PIK3CD: variants seen among roughly 807,000 people sequenced by gnomAD.
PIK3CD encodes phosphatidylinositol-4,5-bisphosphate 3-kinase catalytic subunit delta, also known as phosphatidylinositol 4,5-bisphosphate 3-kinase catalytic subunit delta isoform.
PIK3CD carries 20 observed loss-of-function variants against 122.9 expected under a neutral mutation model. That is an observed-to-expected ratio of 0.16 (90% CI 0.11 to 0.24). PIK3CD has a LOEUF of 0.24. Among genes scored for constraint, PIK3CD ranks in the 10% least tolerant of loss-of-function variants. The pLI is 1.00. For missense variants in PIK3CD, 787 were observed against 1,406.3 expected, an observed-to-expected ratio of 0.56 and a Z score of 7.04; for synonymous variants, 596 against 593.4, an observed-to-expected ratio of 1.00 and a Z score of -0.06.
chr1:9,708,862 T>C (rs996864392), intron 2 of PIK3CD, among the ~76,000 whole-genome samples: 26 of 151,758 alleles, frequency 1.7e-4, no homozygotes, highest in Admixed American at 1.7e-3. Context: ...AAAACATGTA[T>C]GGAAATGATA....
intron 1 of PIK3CD, among the ~76,000 whole-genome samples, chr1:9,663,259 A>G (rs2100857673): frequency 6.6e-6 from 1 of 152,282 alleles, no homozygotes; most frequent in South Asian, 2.1e-4. Context: ...CTTGCCAGCC[A>G]TGTTCAGGGC....
At chr1:9,628,255 T>C in the PIK3CD span, among the ~76,000 whole-genome samples, 2 of 152,002 alleles carry the variant, frequency 1.3e-5, no homozygotes, top group Admixed American at 6.6e-5. Flanking sequence ...TGAGCCAAGA[T>C]TGTGCCACTG....
At chr1:9,690,395 C>T (rs1041366015) in intron 1 of PIK3CD, among the ~76,000 whole-genome samples, 13 of 152,226 alleles carry the variant, frequency 8.5e-5, no homozygotes, top group African/African-American at 3.1e-4. Flanking sequence ...AAGGGCTTTC[C>T]TTATGATCCT....
the PIK3CD span, among the ~76,000 whole-genome samples, chr1:9,644,667 A>C: frequency 1.3e-5 from 2 of 152,088 alleles, no homozygotes; most frequent in African/African-American, 2.4e-5. Context: ...AACTGTTGTC[A>C]TGTGTGCCTT....
At position 9,719,965 on chromosome 1, in the gene PIK3CD, G is replaced by T; in HGVS notation, c.1287G>T (p.Lys429Asn). 1 of 1,613,842 alleles carries T rather than the reference G, an allele frequency of 6.2e-7. No individual in the cohort carries two copies. The highest frequency in any genetic ancestry group is 8.5e-7 in the Non-Finnish European group (1 of 1,180,028). ...AWANLMLFDY[K>N]DQLKTGERCL... ...CCAACCTCATGCTGTTTGACTACAA[G>T]GACCAGCTTAAGACCGGGGAACGCT... Residue 429 changes from lysine (K) to asparagine (N), a missense_variant, in exon 10 of 24, where the codon AAG becomes AAT. Around this residue, in one of 6 missense-constraint regions of PIK3CD, gnomAD observed 592 missense variants for 920.6 expected, o/e 0.64. Coordinates refer to ENST00000377346, the MANE Select transcript of PIK3CD (RefSeq NM_005026.5). The surrounding 1 kb of genome is among the most constrained non-coding windows in gnomAD (Gnocchi z 5.5).
At position 9,652,396 on chromosome 1, in the gene PIK3CD, G is replaced by A. The variant is rs374735415; in HGVS notation, c.-138+594G>A. Among the ~76,000 whole-genome samples, 3 of 152,152 alleles carry A rather than the reference G, an allele frequency of 2.0e-5. No homozygotes were observed. The East Asian group carries it at 5.8e-4, about 29-fold the overall frequency. ...GGGAGCGGGGCTGCAGAGGGGCCGG[G>A]GTGGAAGTTTTCGGGGCTTCCTCCC... On this transcript the variant is annotated intron_variant, in intron 1 of 23. Transcript: ENST00000377346. The surrounding 1 kb of genome is among the most constrained non-coding windows in gnomAD (Gnocchi z 6.2).
intron 3 of PIK3CD, among the ~76,000 whole-genome samples, chr1:9,711,057 T>C (rs1647033498): frequency 6.6e-6 from 1 of 152,172 alleles, no homozygotes; most frequent in South Asian, 2.1e-4. Context: ...AGTGCTGAGA[T>C]TCCAGGCGTG....
chr1:9,629,260 G>A, the PIK3CD span, among the ~76,000 whole-genome samples: 6 of 152,004 alleles, frequency 3.9e-5, no homozygotes, highest in Middle Eastern at 3.2e-3. Flanking sequence ...CTCCCTCTGC[G>A]GTTGTCACTG....
rs1394830066 is a variant in PIK3CD at position 9,700,475 on chromosome 1, T to A, written c.-33+8904T>A. On this transcript the variant is annotated intron_variant, in intron 2 of 23. Coordinates refer to ENST00000377346, the MANE Select transcript of PIK3CD (RefSeq NM_005026.5). This position sits in a 1 kb window ranked among gnomAD's most constrained non-coding sequence, Gnocchi z 5.1. The stretch of plus-strand genomic sequence containing the variant: ...GAAGGTGAAAGGAATTGTGTTCTTA[T>A]CCTGTTTCCTTGGATATTTTATGAG... Among the ~76,000 whole-genome samples the A allele has an allele frequency of 6.6e-6, 1 of 152,184 alleles. No individual in the cohort carries two copies. The highest frequency in any genetic ancestry group is 2.4e-5 in the African/African-American group (1 of 41,444).
rs1186241828 is a variant in PIK3CD, at chr1:9,718,558, G to A, written c.1021-136G>A. 2.2e-5 allele frequency: 19 copies of A among 852,082 alleles called. No individual in the cohort carries two copies. Among genetic ancestry groups the A allele is most frequent in the Non-Finnish European group, 3.2e-5 (17 of 524,590 alleles). The allele number at this position is 852,082 out of a possible 1,614,324, so 52.8% of individuals were successfully genotyped here. On this transcript the variant is annotated intron_variant, in intron 8 of 23. Coordinates refer to ENST00000377346, the MANE Select transcript of PIK3CD (RefSeq NM_005026.5). The surrounding 1 kb of genome is among the most constrained non-coding windows in gnomAD (Gnocchi z 7.2). Reference sequence around the variant, plus strand: ...ATGCCCCTCAGGCCTTCCCTGTGCTGCACCACCTTCCTTCGTGTGGGAAGT... The same window carrying A: ...ATGCCCCTCAGGCCTTCCCTGTGCTACACCACCTTCCTTCGTGTGGGAAGT...
chr1:9,693,005 A>G (rs533578193), intron 2 of PIK3CD, among the ~76,000 whole-genome samples: 76 of 152,204 alleles, frequency 5.0e-4, no homozygotes, highest in African/African-American at 1.8e-3. Context: ...GTCTCAGAAA[A>G]TGCCTTTTAA....
At chr1:9,674,231 G>A (rs188545092) in intron 1 of PIK3CD, among the ~76,000 whole-genome samples, 100 of 152,346 alleles carry the variant, frequency 6.6e-4, no homozygotes, top group African/African-American at 2.1e-3. Context: ...CTTTTCCCGT[G>A]GGTCCTGTCA....
At chr1:9,701,073 A>ATCCCTCAC (rs1357789575) in intron 2 of PIK3CD, among the ~76,000 whole-genome samples, 28 of 151,908 alleles carry the variant, frequency 1.8e-4, no homozygotes, top group African/African-American at 6.5e-4. Context: ...TGAAAATCGC[A>ATCCCTCAC]TCCCTCACTC....
chr1:9,670,211 C>G (rs1219900790), intron 1 of PIK3CD, among the ~76,000 whole-genome samples: 1 of 151,792 alleles, frequency 6.6e-6, no homozygotes, highest in Non-Finnish European at 1.5e-5. Context: ...AGATGTACTC[C>G]CAGACCACAA....
At chr1:9,645,754 C>CGCCA in the PIK3CD span, among the ~76,000 whole-genome samples, 1 of 151,542 alleles carries the variant, frequency 6.6e-6, no homozygotes, top group African/African-American at 2.4e-5. Context: ...TACAGGTGCC[C>CGCCA]GCCACCATGC....
rs1469537812 is a variant in PIK3CD at position 9,717,618 on chromosome 1, C to A, written c.1012C>A (p.Arg338=). 8 of 1,613,962 alleles carry A rather than the reference C, an allele frequency of 5.0e-6. No individual in the cohort carries two copies. The East Asian group carries it at 1.8e-4, about 36-fold the overall frequency. ...IQGSKVNADE[R]MKLVVQAGLF... is the part of the protein sequence containing the mutation. ...GGGCAGCAAAGTGAACGCCGACGAG[C>A]GGATGAAGGTGGGGCTCCTGGGATA... The change falls in exon 8 of 24, where the codon CGG becomes AGG. Residue 338 remains arginine (R), a synonymous_variant. Transcript: ENST00000377346. The surrounding 1 kb of genome is among the most constrained non-coding windows in gnomAD (Gnocchi z 5.4).
rs368035983 is a variant in PIK3CD at position 9,723,653 on chromosome 1, A to G, written c.2595-316A>G. Among the ~76,000 whole-genome samples, 17 of 152,132 alleles carry G rather than the reference A, an allele frequency of 1.1e-4. No individual in the cohort carries two copies. Among genetic ancestry groups the G allele is most frequent in the African/African-American group, 3.9e-4 (16 of 41,414 alleles). On this transcript the variant is annotated intron_variant, in intron 20 of 23. Transcript: ENST00000377346. The surrounding 1 kb of genome is among the most constrained non-coding windows in gnomAD (Gnocchi z 4.9). ...GCCTTAACTGGGCCAGTGGGGTCTG[A>G]GATAACCCATCTCATTCCTGGGGCC...
intron 3 of PIK3CD, among the ~76,000 whole-genome samples, chr1:9,713,819 G>A (rs1034319594): frequency 6.7e-6 from 1 of 149,468 alleles, no homozygotes; most frequent in East Asian, 1.9e-4. Context: ...TGTTGCCCAA[G>A]CTATAGATAG....
chr1:9,649,264 T>C (rs1330265792), upstream of PIK3CD, among the ~76,000 whole-genome samples: 5 of 151,088 alleles, frequency 3.3e-5, no homozygotes, highest in African/African-American at 1.2e-4. Context: ...AGAATCTCAC[T>C]CCATCACCCA....
Sources: gnomAD v4.1 joint callset for allele counts (sites outside exome capture counted in the v4.1 genomes callset) on GRCh38, gnomAD v4.1.1 for gene constraint, gnomAD v4.1.1 regional missense constraint, Gnocchi (gnomAD v3.1) non-coding constraint, MANE v1.5 for transcripts, NCBI Gene and HGNC (gene_info 2026-07-23, HGNC 2026-07-21) for gene names.